TENT5D: variants seen among roughly 807,000 people sequenced by gnomAD.
TENT5D encodes cancer/testis antigen 112.
For synonymous variants in TENT5D, 103 were observed against 100.6 expected, an observed-to-expected ratio of 1.02 and a Z score of -0.15; for missense variants, 191 against 287.0, an observed-to-expected ratio of 0.67 and a Z score of 2.42.
chrX:80,352,377 A>C (rs1427719427), intron 3 of TENT5D, among the ~76,000 whole-genome samples: 2 of 111,686 alleles, frequency 1.8e-5, no homozygotes, highest in African/African-American at 6.5e-5. Context: ...AGAGGAATCT[A>C]GAGAGGCAAT....
intron 3 of TENT5D, among the ~76,000 whole-genome samples, chrX:80,368,701 A>G (rs1930558745): frequency 8.9e-6 from 1 of 112,210 alleles, no homozygotes; most frequent in Non-Finnish European, 1.9e-5. Flanking sequence ...CTTGAATAAA[A>G]TGCCTTATAC....
chrX:80,396,213 G>A (rs2088057), intron 3 of TENT5D, among the ~76,000 whole-genome samples: 61,026 of 109,731 alleles, frequency 0.56, 13,647 homozygotes, highest in Non-Finnish European at 0.71. Context: ...ATTCCAAGTA[G>A]TGAGATTGCT....
chrX:80,377,419 T>A (rs1341938806), intron 3 of TENT5D, among the ~76,000 whole-genome samples: 2 of 111,060 alleles, frequency 1.8e-5, no homozygotes, highest in Non-Finnish European at 3.8e-5. Context: ...CAGTGTGTGA[T>A]GTTCCCCGCC....
chrX:80,352,620 C>T (rs1930201978), intron 3 of TENT5D, among the ~76,000 whole-genome samples: 2 of 106,275 alleles, frequency 1.9e-5, no homozygotes, highest in Non-Finnish European at 3.8e-5. Flanking sequence ...ACCTATTGAA[C>T]GAGACCACGT....
chrX:80,409,451 A>G (rs1205073480), intron 3 of TENT5D, among the ~76,000 whole-genome samples: 3 of 111,234 alleles, frequency 2.7e-5, no homozygotes, highest in African/African-American at 9.8e-5. Context: ...CTTATACACC[A>G]ATAACAGACA....
intron 1 of TENT5D, among the ~76,000 whole-genome samples, chrX:80,425,723 C>T (rs1008545999): frequency 2.7e-5 from 3 of 111,881 alleles, no homozygotes; most frequent in Non-Finnish European, 5.6e-5. Context: ...GGTTTTAGAA[C>T]ATATGTTAAT....
intron 1 of TENT5D, among the ~76,000 whole-genome samples, chrX:80,422,660 A>C (rs1285742067): frequency 9.0e-6 from 1 of 110,785 alleles, no homozygotes; most frequent in Non-Finnish European, 1.9e-5. Context: ...CGGTGAGTAG[A>C]CGGGGAGAGC....
At chrX:80,439,832 C>T (rs1018239874) in intron 2 of TENT5D, among the ~76,000 whole-genome samples, 9 of 63,173 alleles carry the variant, frequency 1.4e-4, no homozygotes, top group African/African-American at 2.1e-4. Flanking sequence ...TCATAATTAA[C>T]GCTTTTTTCT....
At chrX:80,338,632 AATATT>A (rs2147510187) in intron 2 of TENT5D, among the ~76,000 whole-genome samples, 1 of 112,583 alleles carries the variant, frequency 8.9e-6, no homozygotes, top group South Asian at 3.6e-4. Flanking sequence ...CTTAATTTTT[AATATT>A]ATGATTGTTT....
At chrX:80,403,182 T>A (rs887250250) in intron 3 of TENT5D, among the ~76,000 whole-genome samples, 6 of 112,013 alleles carry the variant, frequency 5.4e-5, no homozygotes, top group Non-Finnish European at 1.1e-4. Flanking sequence ...TATTTTCAAG[T>A]GAACATGTAT....
chrX:80,408,328 G>A (rs1213529680), intron 3 of TENT5D, among the ~76,000 whole-genome samples: 1 of 108,177 alleles, frequency 9.2e-6, no homozygotes, highest in African/African-American at 3.4e-5. Flanking sequence ...TTTTTTGAAA[G>A]GATCAACAAA....
At position 80,336,997 on chromosome X, in the gene TENT5D, C is replaced by T. The variant is rs182678037; in HGVS notation, c.-207+1281C>T. Among the ~76,000 whole-genome samples, 304 of 111,659 alleles carry T rather than the reference C, an allele frequency of 2.7e-3. 1 individual carries two copies. Among genetic ancestry groups the T allele is most frequent in the Non-Finnish European group, 3.6e-3 (191 of 53,047 alleles). On this transcript the variant is annotated intron_variant, in intron 2 of 4. Transcript: ENST00000538312. The stretch of plus-strand genomic sequence containing the variant: ...AAACTAAATTTGACTCCAAAAATTT[C>T]CCTCTTGTTTTTTCTTAGATATCTG...
intron 1 of TENT5D, among the ~76,000 whole-genome samples, chrX:80,425,795 G>A (rs1313038403): frequency 8.9e-6 from 1 of 111,767 alleles, no homozygotes; most frequent in Admixed American, 9.5e-5. Context: ...TTGGGAAGCT[G>A]AGGTAGGCGG....
At chrX:80,401,559 C>T (rs191107250) in intron 3 of TENT5D, among the ~76,000 whole-genome samples, 2 of 111,488 alleles carry the variant, frequency 1.8e-5, no homozygotes, top group African/African-American at 6.5e-5. Context: ...TTATATGTGA[C>T]TTTTTTGTGT....
chrX:80,338,468 G>A (rs1412257812), intron 2 of TENT5D, among the ~76,000 whole-genome samples: 1 of 112,208 alleles, frequency 8.9e-6, no homozygotes, highest in Non-Finnish European at 1.9e-5. Context: ...CAAAACTAAT[G>A]TGGAAAATTG....
chrX:80,341,735 G>T (rs1929961181), intron 2 of TENT5D, among the ~76,000 whole-genome samples: 1 of 93,527 alleles, frequency 1.1e-5, no homozygotes, highest in South Asian at 5.3e-4. Context: ...TTTTTGAGAC[G>T]GAGTCTCGCT....
intron 3 of TENT5D, among the ~76,000 whole-genome samples, chrX:80,405,888 C>G (rs763741919): frequency 5.5e-3 from 613 of 110,608 alleles, no homozygotes; most frequent in Non-Finnish European, 9.1e-3. Context: ...TCTCCCAGCA[C>G]GCAGCTGAAG....
intron 3 of TENT5D, among the ~76,000 whole-genome samples, chrX:80,365,577 A>C (rs1930491258): frequency 9.0e-6 from 1 of 111,487 alleles, no homozygotes; most frequent in Non-Finnish European, 1.9e-5. Context: ...TCGGTGGCTT[A>C]TGCCTGTAAT....
At chrX:80,350,731 T>G (rs1257951842) in intron 3 of TENT5D, among the ~76,000 whole-genome samples, 1 of 111,784 alleles carries the variant, frequency 8.9e-6, no homozygotes, top group East Asian at 2.8e-4. Flanking sequence ...TTGATGCAGT[T>G]TCTTCATAGT....
Sources: allele counts gnomAD v4.1 joint callset (sites outside exome capture counted in the v4.1 genomes callset), GRCh38; gene constraint gnomAD v4.1.1; transcripts MANE v1.5; gene names NCBI Gene and HGNC (gene_info 2026-07-23, HGNC 2026-07-21).